Variants in PARPBP observed in about 807,000 individuals in gnomAD.
PARPBP encodes the protein PARP1 binding protein, also known as PCNA-interacting partner.
Under a neutral mutation model 50.0 loss-of-function variants are expected in PARPBP, and 52 were observed. The ratio of observed to expected loss-of-function variants is 1.04; its 90% CI spans 0.83 to 1.31. PARPBP has a LOEUF of 1.31. Ranked by LOEUF, PARPBP falls within the 50% of genes most tolerant of loss-of-function variation. The pLI is 0.00. For missense variants in PARPBP, 697 were observed against 672.0 expected, an observed-to-expected ratio of 1.04 and a Z score of -0.41; for synonymous variants, 244 against 232.1, an observed-to-expected ratio of 1.05 and a Z score of -0.47.
chr12:102,166,783 AT>A (rs534554050), intron 6 of PARPBP, among the ~76,000 whole-genome samples: 1 of 151,934 alleles, frequency 6.6e-6, no homozygotes, highest in South Asian at 2.1e-4. Flanking sequence ...TCTAAGAAGG[AT>A]TTTTTTTCAG....
intron 2 of PARPBP, among the ~76,000 whole-genome samples, chr12:102,124,419 A>G (rs971317862): frequency 5.3e-5 from 8 of 152,212 alleles, no homozygotes; most frequent in East Asian, 1.9e-4. Flanking sequence ...AATTCTTCCA[A>G]TCTGCACCGG....
chr12:102,197,310 T>G lies in PARPBP; in HGVS notation c.*1019T>G, dbSNP rs1410720038. ...TTTTTAAAAATACCTTAGATGCAAA[T>G]TTATAGGAGAAAAAACACTTTCAGA... is the stretch of plus-strand genomic sequence containing the variant. On this transcript the variant is annotated 3_prime_UTR_variant, in exon 11 of 11. Coordinates refer to ENST00000327680, the MANE Select transcript of PARPBP (RefSeq NM_017915.5). The G allele has an allele frequency of 2.3e-6, 2 of 853,258 alleles. No homozygotes were observed. Among genetic ancestry groups the G allele is most frequent in the African/African-American group, 3.4e-5 (2 of 58,300 alleles). 52.9% of individuals were successfully genotyped at this position (853,258 alleles called of 1,614,324 possible).
At chr12:102,145,796 T>C (rs1268716821) in intron 2 of PARPBP, among the ~76,000 whole-genome samples, 1 of 152,220 alleles carries the variant, frequency 6.6e-6, no homozygotes, top group Non-Finnish European at 1.5e-5. Context: ...CTGTGTCTTT[T>C]TAGCACTTGT....
intron 6 of PARPBP, among the ~76,000 whole-genome samples, chr12:102,173,070 G>T (rs181745475): frequency 3.9e-5 from 6 of 152,252 alleles, no homozygotes; most frequent in East Asian, 1.9e-4. Flanking sequence ...TCTTAAATGC[G>T]TTGGTAAGTA....
At chr12:102,120,731 A>C (rs1395388815) in intron 1 of PARPBP, among the ~76,000 whole-genome samples, 1 of 152,320 alleles carries the variant, frequency 6.6e-6, no homozygotes, top group East Asian at 1.9e-4. Context: ...AATGCCTGGC[A>C]CTAGGTGGGT....
At chr12:102,120,493 T>C (rs1056289992) in intron 1 of PARPBP, 2 of 456,630 alleles carry the variant, frequency 4.4e-6, no homozygotes, top group Non-Finnish European at 8.8e-6. Context: ...ATGGAGCTGG[T>C]AGGTCCTGAG....
At chr12:102,176,164 A>G (rs1207297881) in intron 7 of PARPBP, among the ~76,000 whole-genome samples, 2 of 151,736 alleles carry the variant, frequency 1.3e-5, no homozygotes, top group East Asian at 1.9e-4. Flanking sequence ...TTGTATTTTT[A>G]GTAGAGATGG....
chr12:102,196,662 C>T lies in PARPBP; in HGVS notation c.*371C>T. On this transcript the variant is annotated 3_prime_UTR_variant, in exon 11 of 11. Coordinates refer to ENST00000327680, the MANE Select transcript of PARPBP (RefSeq NM_017915.5). ...GTGGACCAACAGGTATCAGACTTGC[C>T]AACAAGGTCGGTAGACTCTTCCCAG... The T allele has an allele frequency of 5.0e-6, 8 of 1,610,150 alleles. No homozygotes were observed. The highest frequency in any genetic ancestry group is 6.8e-6 in the Non-Finnish European group (8 of 1,176,880).
At chr12:102,124,303 T>G (rs1881618088) in intron 2 of PARPBP, among the ~76,000 whole-genome samples, 1 of 152,214 alleles carries the variant, frequency 6.6e-6, no homozygotes, top group Non-Finnish European at 1.5e-5. Context: ...AGATTTAGGA[T>G]AAACATGTAA....
chr12:102,154,980 C>A (rs1305426516), intron 4 of PARPBP: 1 of 340,972 alleles, frequency 2.9e-6, no homozygotes, highest in Non-Finnish European at 5.7e-6. Context: ...CCAGAGACTC[C>A]TTTCTACTGA....
chr12:102,189,865 C>T (rs1050745325), intron 9 of PARPBP, among the ~76,000 whole-genome samples: 6 of 151,984 alleles, frequency 3.9e-5, no homozygotes, highest in African/African-American at 7.2e-5. Flanking sequence ...CAAAAGTAAA[C>T]GGTGGAAATT....
chr12:102,193,254 C>A (rs1014177875), intron 9 of PARPBP, among the ~76,000 whole-genome samples: 3 of 151,690 alleles, frequency 2.0e-5, no homozygotes, highest in African/African-American at 7.3e-5. Context: ...ATAAAAGTAA[C>A]AAAACATTCT....
At chr12:102,195,811 C>G in intron 10 of PARPBP, 140 bp from the exon 11 acceptor site, 1 of 594,468 alleles carries the variant, frequency 1.7e-6, no homozygotes, top group Non-Finnish European at 2.9e-6. Context: ...CTATATTTGT[C>G]AATCATATTA....
intron 7 of PARPBP, among the ~76,000 whole-genome samples, chr12:102,178,240 A>T (rs190210734): frequency 2.6e-4 from 39 of 152,276 alleles, no homozygotes; most frequent in Admixed American, 2.2e-3. Flanking sequence ...CCAGAACCTC[A>T]TCATTCTTTG....
intron 7 of PARPBP, among the ~76,000 whole-genome samples, chr12:102,177,639 G>T (rs75696249): frequency 0.038 from 5,721 of 151,932 alleles, 149 homozygotes; most frequent in African/African-American, 0.069. Context: ...TTTAATTTGT[G>T]ACCTGTCTCC....
intron 4 of PARPBP, among the ~76,000 whole-genome samples, chr12:102,155,601 G>GGC (rs762635558): frequency 8.1e-6 from 1 of 123,560 alleles, no homozygotes; most frequent in Admixed American, 8.8e-5. Flanking sequence ...TGGTGGGGGG[G>GGC]GGGGGCGGGG....
At chr12:102,164,814 T>C in intron 5 of PARPBP, 1 of 588,484 alleles carries the variant, frequency 1.7e-6, no homozygotes, top group Non-Finnish European at 3.0e-6. Flanking sequence ...TTTCCTTACA[T>C]ATGTTCTGTA....
At chr12:102,161,118 T>C (rs924121886) in intron 4 of PARPBP, among the ~76,000 whole-genome samples, 1 of 152,102 alleles carries the variant, frequency 6.6e-6, no homozygotes, top group South Asian at 2.1e-4. Context: ...TAAGTTTTTT[T>C]TTCTTTGGAG....
Position 102,197,229 on chromosome 12 carries a change from A to G in PARPBP, c.*938A>G. 1.6e-6 allele frequency: 2 copies of G among 1,284,084 alleles called. No homozygotes were observed. The highest frequency in any genetic ancestry group is 2.2e-6 in the Non-Finnish European group (2 of 898,308). 79.5% of individuals were successfully genotyped at this position (1,284,084 alleles called of 1,614,324 possible). A position where few individuals can be genotyped will look rare whatever the true frequency, so the allele number is the denominator to read the frequency against. ...ATCGTATTCGGAGTGGAACTATAAT[A>G]CAATTGTATAATATTCTTGTTGATC... On this transcript the variant is annotated 3_prime_UTR_variant, in exon 11 of 11. Transcript: ENST00000327680.
Sources: allele counts gnomAD v4.1 joint callset (sites outside exome capture counted in the v4.1 genomes callset), GRCh38; gene constraint gnomAD v4.1.1; transcripts MANE v1.5; gene names NCBI Gene and HGNC (gene_info 2026-07-23, HGNC 2026-07-21).